Variants in TMEM19 observed in about 807,000 individuals in gnomAD.
TMEM19 encodes the protein transmembrane protein 19.
A neutral mutation model predicts 33.6 loss-of-function variants in TMEM19; 21 were observed. That is an observed-to-expected ratio of 0.62 (90% CI 0.44 to 0.90). The LOEUF is 0.90. TMEM19 is among the 40% of genes least tolerant of loss of function. The probability of loss-of-function intolerance (pLI) is 0.00; values close to 1 mark genes in which losing one functional copy is unlikely to be tolerated. For synonymous variants in TMEM19, 149 were observed against 147.5 expected (o/e 1.01, Z -0.07); for missense variants, 402 against 401.8 (o/e 1.00, Z 0.00).
At chr12:71,691,605 C>CAAAAAAAAAAAAAAAA (rs57138830) in intron 2 of TMEM19, among the ~76,000 whole-genome samples, 1 of 49,492 alleles carries the variant, frequency 2.0e-5, no homozygotes, top group Non-Finnish European at 4.6e-5. Context: ...TTCACCTCTA[C>CAAAAAAAAAAAAAAAA]AAAAAAAAAA....
chr12:71,686,668 A>G lies in TMEM19; in HGVS notation c.-13A>G. ...AATATTCTTTCCCGCAGGAGCTCAT[A>G]TCCTTATTTTCCATGACAGATCTTA... On this transcript the variant is annotated 5_prime_UTR_variant, in exon 1 of 6. In the 5' UTR this introduces an upstream ATG that the reference lacks. Coordinates refer to ENST00000266673, the MANE Select transcript of TMEM19 (RefSeq NM_018279.4). 1 of 1,610,116 alleles carries G rather than the reference A, an allele frequency of 6.2e-7. No homozygotes were observed. The highest frequency in any genetic ancestry group is 1.7e-5 in the Admixed American group (1 of 59,452).
chr12:71,690,034 G>A (rs973498368), intron 2 of TMEM19, among the ~76,000 whole-genome samples: 2 of 152,174 alleles, frequency 1.3e-5, no homozygotes, highest in African/African-American at 4.8e-5. Flanking sequence ...GTAAAATAGA[G>A]CATTTGGAGA....
Position 71,698,963 on chromosome 12 carries a change from G to T in TMEM19, c.701G>T (p.Gly234Val). 1 of 1,614,092 alleles carries T rather than the reference G, an allele frequency of 6.2e-7. No individual in the cohort carries two copies. Among genetic ancestry groups the T allele is most frequent in the African/African-American group, 1.3e-5 (1 of 74,994 alleles). Residue 234 changes from glycine to valine, a missense_variant, in exon 5 of 6, where the codon GGC (glycine) becomes GTC (valine). Transcript: ENST00000266673. ...AGTCTCCTTGGTGGTACCTTTGTGG[G>T]CATTGCATACTTCCTCACACAGCTG... ...VSSLLGGTFV[G>V]IAYFLTQLIF...
chr12:71,692,912 T>C (rs1395015461), intron 2 of TMEM19, among the ~76,000 whole-genome samples: 1 of 151,954 alleles, frequency 6.6e-6, no homozygotes, highest in Non-Finnish European at 1.5e-5. Context: ...AAAAAAATTA[T>C]GGCCAGGTAT....
At chr12:71,691,478 T>C (rs948572079) in intron 2 of TMEM19, among the ~76,000 whole-genome samples, 10 of 151,378 alleles carry the variant, frequency 6.6e-5, no homozygotes, top group African/African-American at 2.4e-4. Context: ...CTAAAAAAAG[T>C]TCTTTCTGGG....
rs111619477 is a variant in TMEM19, at chr12:71,701,169, G to A, written c.*174G>A. On this transcript the variant is annotated 3_prime_UTR_variant, in exon 6 of 6. Transcript: ENST00000266673. ...CATCAACTCCCCTGTAATAGCTAGCGTCTTTCTAGTGAAAGAGAAGAATTC... is the reference window on the plus strand; with the variant it reads ...CATCAACTCCCCTGTAATAGCTAGCATCTTTCTAGTGAAAGAGAAGAATTC... The A allele has an allele frequency of 2.1e-3, 1,138 of 542,426 alleles. 5 individuals carry two copies. The highest frequency in any genetic ancestry group is 0.018 in the African/African-American group (960 of 52,052). 33.6% of individuals were successfully genotyped at this position (542,426 alleles called of 1,614,324 possible).
intron 2 of TMEM19, among the ~76,000 whole-genome samples, chr12:71,695,817 A>C (rs750769972): frequency 1.3e-5 from 2 of 152,240 alleles, no homozygotes; most frequent in Non-Finnish European, 2.9e-5. Flanking sequence ...AAGGAGCCAC[A>C]GTTTGAACTC....
chr12:71,699,973 C>G (rs1881947708), intron 5 of TMEM19: 1 of 152,242 alleles, frequency 6.6e-6, no homozygotes, highest in Non-Finnish European at 1.5e-5. Flanking sequence ...TGTGTATTTG[C>G]TCCACACTCT....
Position 71,697,431 on chromosome 12 carries a change from T to C in TMEM19, c.534T>C (p.Ala178=), listed in dbSNP as rs746194235. 1 of 1,611,464 alleles carries C rather than the reference T, an allele frequency of 6.2e-7. No individual in the cohort carries two copies. The highest frequency in any genetic ancestry group is 1.1e-5 in the South Asian group (1 of 90,510). The change falls in exon 4 of 6, where the codon GCT becomes GCC. Residue 178 remains alanine, a synonymous_variant. Transcript: ENST00000266673. ...CCTGGATGTGTTTGTCTCTCTTGGC[T>C]GCACTGGCCTGCTCTGCTGGAGACA... The part of the protein sequence containing the change: ...SASWMCLSLL[A]ALACSAGDTW...
intron 1 of TMEM19, 32 bp from the exon 2 acceptor site, chr12:71,689,559 A>T: frequency 6.3e-7 from 1 of 1,577,006 alleles, no homozygotes; most frequent in South Asian, 1.1e-5. Context: ...CAAACTTCAC[A>T]CAATTTGTGC....
intron 2 of TMEM19, among the ~76,000 whole-genome samples, chr12:71,691,605 C>CAAAAAAAAAAAAAAAAAAAAAAAA (rs57138830): frequency 4.0e-5 from 2 of 49,492 alleles, no homozygotes; most frequent in African/African-American, 1.0e-4. Context: ...TTCACCTCTA[C>CAAAAAAAAAAAAAAAAAAAAAAAA]AAAAAAAAAA....
chr12:71,694,503 A>G (rs1881837946), intron 2 of TMEM19, among the ~76,000 whole-genome samples: 1 of 152,234 alleles, frequency 6.6e-6, no homozygotes, highest in African/African-American at 2.4e-5. Context: ...AAGGATTGCT[A>G]TATGAGCCAG....
chr12:71,704,222 A>G lies in TMEM19; in HGVS notation c.*3227A>G, dbSNP rs1882034565. 3.0e-5 allele frequency: 6 copies of G among 200,972 alleles called. No individual in the cohort carries two copies. The South Asian group carries it at 4.8e-4, about 16-fold the overall frequency. The allele number at this position is 200,972 out of a possible 1,614,324, so 12.4% of individuals were successfully genotyped here. ...TGATACAGCAGGTCATTCTATTATTAGCTTTTCTCATTACTTGAGTTATCT... is the reference window on the plus strand; with the variant it reads ...TGATACAGCAGGTCATTCTATTATTGGCTTTTCTCATTACTTGAGTTATCT... On this transcript the variant is annotated 3_prime_UTR_variant, in exon 6 of 6. Coordinates refer to ENST00000266673, the MANE Select transcript of TMEM19 (RefSeq NM_018279.4).
At position 71,700,812 on chromosome 12, in the gene TMEM19, T is replaced by G. The variant is rs368773151; in HGVS notation, c.848-20T>G. 3.1e-5 allele frequency: 47 copies of G among 1,533,552 alleles called. No individual in the cohort carries two copies. The African/African-American group carries it at 6.3e-4, about 20-fold the overall frequency. 95.0% of individuals were successfully genotyped at this position (1,533,552 alleles called of 1,614,324 possible). On this transcript the variant is annotated intron_variant, in intron 5 of 5. Transcript: ENST00000266673. ...AGTCATTTGGGTTTTCTATCTCACT[T>G]GCTTCTTTTTCCATTCCAGGGTTGG...
chr12:71,703,260 T>C lies in TMEM19; in HGVS notation c.*2265T>C, dbSNP rs1013602550. 7.3e-6 allele frequency: 1 copy of C among 137,164 alleles called. No individual in the cohort carries two copies. The highest frequency in any genetic ancestry group is 2.6e-5 in the African/African-American group (1 of 38,040). The allele number at this position is 137,164 out of a possible 1,614,324, so 8.5% of individuals were successfully genotyped here. A position where few individuals can be genotyped will look rare whatever the true frequency, so the allele number is the denominator to read the frequency against. ...TAAGCACTAGAACTACATAAGAATG[T>C]CCTAAAGCACTGTATCTAAGCACTT... is the stretch of plus-strand genomic sequence containing the variant. On this transcript the variant is annotated 3_prime_UTR_variant, in exon 6 of 6. Coordinates refer to ENST00000266673, the MANE Select transcript of TMEM19 (RefSeq NM_018279.4).
At position 71,690,915 on chromosome 12, in the gene TMEM19, A is replaced by G. The variant is rs912790952; in HGVS notation, c.244+1211A>G. ...AGATAAAATTGAATAAACTCTAGCAATGTGCTCTCGTGGTCCTATGGTTTT... is the reference window on the plus strand; with the variant it reads ...AGATAAAATTGAATAAACTCTAGCAGTGTGCTCTCGTGGTCCTATGGTTTT... On this transcript the variant is annotated intron_variant, in intron 2 of 5. Coordinates refer to ENST00000266673, the MANE Select transcript of TMEM19 (RefSeq NM_018279.4). Among the ~76,000 whole-genome samples the G allele has an allele frequency of 2.6e-5, 4 of 152,334 alleles. No individual in the cohort carries two copies. In the South Asian group the frequency reaches 8.3e-4, roughly 32 times the overall value.
chr12:71,689,566 G>C (rs764536899), intron 1 of TMEM19, 25 bp from the exon 2 acceptor site: 1 of 1,587,790 alleles, frequency 6.3e-7, no homozygotes, highest in South Asian at 1.1e-5. Context: ...CACACAATTT[G>C]TGCTCCACCT....
intron 4 of TMEM19, 129 bp downstream of exon 4, chr12:71,697,663 C>A: frequency 8.5e-7 from 1 of 1,179,890 alleles, no homozygotes; most frequent in African/African-American, 1.6e-5. Flanking sequence ...TTTATTTAGT[C>A]TCTTTAAATA....
chr12:71,703,187 CAAAA>C lies in TMEM19; in HGVS notation c.*2228_*2231del, dbSNP rs57148356. 4.2e-5 allele frequency: 2 copies of C among 47,194 alleles called. No individual in the cohort carries two copies. The highest frequency in any genetic ancestry group is 1.0e-4 in the Non-Finnish European group (2 of 19,694). 2.9% of individuals were successfully genotyped at this position (47,194 alleles called of 1,614,324 possible). On this transcript the variant is annotated 3_prime_UTR_variant, in exon 6 of 6. Transcript: ENST00000266673. ...GGGAGACTCCATCTAGACTCCATCT[CAAAA>C]AAAAAAAAAAAAAAAAAAAAAAAAA... is the stretch of plus-strand genomic sequence containing the variant.
Sources: gnomAD v4.1 joint callset for allele counts (sites outside exome capture counted in the v4.1 genomes callset) on GRCh38, gnomAD v4.1.1 for gene constraint, MANE v1.5 for transcripts, NCBI Gene and HGNC (gene_info 2026-07-23, HGNC 2026-07-21) for gene names.